The following BNIP3L variants were observed in gnomAD, a reference collection of about 807,000 sequenced individuals.
BNIP3L encodes the protein BCL2 interacting protein 3 like.
Under a neutral mutation model 25.5 loss-of-function variants are expected in BNIP3L, and 10 were observed. The ratio of observed to expected loss-of-function variants is 0.39; its 90% CI spans 0.24 to 0.67. The LOEUF (loss-of-function observed/expected upper bound fraction) is 0.67, where lower values mean the gene tolerates loss of function less well. Ranked by LOEUF, BNIP3L falls within the 30% of genes least tolerant of loss-of-function variation. The probability of loss-of-function intolerance (pLI) is 0.45; values close to 1 mark genes in which losing one functional copy is unlikely to be tolerated. For synonymous variants in BNIP3L, 113 were observed against 101.2 expected, an observed-to-expected ratio of 1.12 and a Z score of -0.70; for missense variants, 215 against 270.9, an observed-to-expected ratio of 0.79 and a Z score of 1.45.
At chr8:26,395,931 C>T (rs1237223009) in intron 3 of BNIP3L, 64 of 160,480 alleles carry the variant, frequency 4.0e-4, no homozygotes, top group South Asian at 2.5e-3. Flanking sequence ...TAAAAAACGG[C>T]GCACCACGAG....
In BNIP3L at chr8:26,407,989, C is replaced by T. The variant is rs1196292242; in HGVS notation, c.358-11C>T. The stretch of plus-strand genomic sequence containing the variant: ...TCCTTTTTTTCTTAAAGTTTGAATT[C>T]TTCTTTACAGTCAGAAGAAGAAGTT... On this transcript the variant is annotated splice_polypyrimidine_tract_variant and intron_variant, in intron 3 of 5. Coordinates refer to ENST00000380629, the MANE Select transcript of BNIP3L (RefSeq NM_004331.3). 1 of 1,612,472 alleles carries T rather than the reference C, an allele frequency of 6.2e-7. No homozygotes were observed. The highest frequency in any genetic ancestry group is 8.5e-7 in the Non-Finnish European group (1 of 1,178,780).
intron 2 of BNIP3L, among the ~76,000 whole-genome samples, chr8:26,394,552 C>T (rs1421806616): frequency 6.6e-6 from 1 of 151,968 alleles, no homozygotes; most frequent in Non-Finnish European, 1.5e-5. Flanking sequence ...AGTGAAAATA[C>T]CTATTTTCTA....
At chr8:26,406,170 T>G (rs1806496187) in intron 3 of BNIP3L, among the ~76,000 whole-genome samples, 1 of 152,272 alleles carries the variant, frequency 6.6e-6, no homozygotes, top group Non-Finnish European at 1.5e-5. Context: ...AACTTTAGGT[T>G]ATAATAAGCA....
chr8:26,408,506 A>T, intron 5 of BNIP3L, 130 bp downstream of exon 5: 2 of 1,101,738 alleles, frequency 1.8e-6, no homozygotes, highest in Non-Finnish European at 2.6e-6. Context: ...AGGTGAACTT[A>T]AAAAAGTGGG....
At chr8:26,398,759 C>T (rs1236826184) in intron 3 of BNIP3L, among the ~76,000 whole-genome samples, 1 of 82,642 alleles carries the variant, frequency 1.2e-5, no homozygotes. Context: ...AGAGAAGAAT[C>T]AAATAGACAA....
intron 3 of BNIP3L, among the ~76,000 whole-genome samples, chr8:26,401,373 A>G (rs1806367947): frequency 6.7e-6 from 1 of 149,882 alleles, no homozygotes; most frequent in Admixed American, 6.7e-5. Context: ...CAATGAGATC[A>G]CATGGACACA....
At chr8:26,393,032 C>G (rs148894969) in intron 2 of BNIP3L, among the ~76,000 whole-genome samples, 1 of 152,000 alleles carries the variant, frequency 6.6e-6, no homozygotes, top group Non-Finnish European at 1.5e-5. Context: ...TGAACACTTT[C>G]GTACCCCTCA....
intron 1 of BNIP3L, among the ~76,000 whole-genome samples, chr8:26,383,898 T>G (rs1322245808): frequency 4.6e-4 from 6 of 12,960 alleles, no homozygotes; most frequent in African/African-American, 1.6e-3. Context: ...GCCCAAGTGA[T>G]TTTTTTTTTT....
At chr8:26,387,705 C>G (rs977066816) in intron 1 of BNIP3L, among the ~76,000 whole-genome samples, 1 of 152,150 alleles carries the variant, frequency 6.6e-6, no homozygotes, top group African/African-American at 2.4e-5. Context: ...CTCTGTACCA[C>G]TATGTATTTC....
At chr8:26,391,091 CT>C (rs1806098996) in intron 1 of BNIP3L, 151 bp from the exon 2 acceptor site, 1 of 609,938 alleles carries the variant, frequency 1.6e-6, no homozygotes, top group Non-Finnish European at 2.6e-6. Flanking sequence ...GATCTTTAGA[CT>C]TTTATTACTT....
At chr8:26,383,634 G>A (rs1031272144) in intron 1 of BNIP3L, 2 of 334,772 alleles carry the variant, frequency 6.0e-6, no homozygotes, top group Non-Finnish European at 8.5e-6. Flanking sequence ...GGGACGCCGG[G>A]GGATGGACGC....
At position 26,411,348 on chromosome 8, in the gene BNIP3L, T is replaced by C. The variant is rs1053113337; in HGVS notation, c.*936T>C. ...AGGCTTTGGAATGAGTTCCAATTTG[T>C]GATGTTAATACAGGCTTCTTGTTTT... On this transcript the variant is annotated 3_prime_UTR_variant, in exon 6 of 6. Coordinates refer to ENST00000380629, the MANE Select transcript of BNIP3L (RefSeq NM_004331.3). 6 of 152,456 alleles carry C rather than the reference T, an allele frequency of 3.9e-5. No individual in the cohort carries two copies. The highest frequency in any genetic ancestry group is 1.4e-4 in the African/African-American group (6 of 41,454). 9.4% of individuals were successfully genotyped at this position (152,456 alleles called of 1,614,324 possible).
At chr8:26,404,145 C>T (rs991102792) in intron 3 of BNIP3L, among the ~76,000 whole-genome samples, 2 of 152,334 alleles carry the variant, frequency 1.3e-5, no homozygotes, top group Admixed American at 6.5e-5. Context: ...AACTGCTTTT[C>T]GGATGATCAT....
chr8:26,410,517 C>A lies in BNIP3L; in HGVS notation c.*105C>A. ...ATTGTAAGCATGACCCAACCTACCA[C>A]CCTGTTTTTACATATCCAATTCCAG... On this transcript the variant is annotated 3_prime_UTR_variant, in exon 6 of 6. Transcript: ENST00000380629. 8 of 1,324,370 alleles carry A rather than the reference C, an allele frequency of 6.0e-6. No individual in the cohort carries two copies. Among genetic ancestry groups the A allele is most frequent in the South Asian group, 2.4e-5 (2 of 83,006 alleles). The allele number at this position is 1,324,370 out of a possible 1,614,324, so 82.0% of individuals were successfully genotyped here.
chr8:26,403,352 A>T (rs1012942150), intron 3 of BNIP3L, among the ~76,000 whole-genome samples: 7 of 152,180 alleles, frequency 4.6e-5, no homozygotes, highest in Non-Finnish European at 1.0e-4. Context: ...TTCTTCCTGA[A>T]TAAGAAGAAA....
chr8:26,406,013 A>T (rs1395808845), intron 3 of BNIP3L, among the ~76,000 whole-genome samples: 5 of 152,266 alleles, frequency 3.3e-5, no homozygotes, highest in Admixed American at 2.6e-4. Context: ...ACTGCACTCC[A>T]GCCTGGGTGA....
At chr8:26,384,099 C>G (rs1805927613) in intron 1 of BNIP3L, among the ~76,000 whole-genome samples, 1 of 152,154 alleles carries the variant, frequency 6.6e-6, no homozygotes, top group African/African-American at 2.4e-5. Context: ...ATTCCGCTGC[C>G]CAGACATCTT....
chr8:26,391,229 G>T lies in BNIP3L; in HGVS notation c.101-14G>T. ...CAGTTCTGCTGTGGTTAACTTATCT[G>T]ACTTGTCCAACAGGTTCCTGGGTGG... On this transcript the variant is annotated splice_polypyrimidine_tract_variant and intron_variant, in intron 1 of 5. Coordinates refer to ENST00000380629, the MANE Select transcript of BNIP3L (RefSeq NM_004331.3). 6.4e-7 allele frequency: 1 copy of T among 1,567,872 alleles called. No individual in the cohort carries two copies. The highest frequency in any genetic ancestry group is 1.2e-5 in the South Asian group (1 of 82,794).
chr8:26,385,875 C>G (rs930401905), intron 1 of BNIP3L, among the ~76,000 whole-genome samples: 1 of 152,104 alleles, frequency 6.6e-6, no homozygotes, highest in Non-Finnish European at 1.5e-5. Flanking sequence ...CTTCTTGCCT[C>G]TCACTCTGTT....
Sources: allele counts gnomAD v4.1 joint callset (sites outside exome capture counted in the v4.1 genomes callset), GRCh38; gene constraint gnomAD v4.1.1; transcripts MANE v1.5; gene names NCBI Gene and HGNC (gene_info 2026-07-23, HGNC 2026-07-21).